SUGCT: variants seen among roughly 807,000 people sequenced by gnomAD.
The protein encoded by SUGCT is succinyl-CoA:glutarate-CoA transferase, also known as succinyl-CoA:glutarate CoA-transferase.
SUGCT carries 41 observed loss-of-function variants against 55.0 expected under a neutral mutation model. The observed-to-expected ratio is 0.74, with a 90% CI of 0.58 to 0.97. The LOEUF is 0.97. SUGCT is among the 50% of genes least tolerant of loss of function. The pLI, the probability that SUGCT is intolerant of heterozygous loss-of-function variation, is 0.00. For synonymous variants in SUGCT, 187 were observed against 200.4 expected (o/e 0.93, Z 0.56); for missense variants, 568 against 547.8 (o/e 1.04, Z -0.37).
chr7:40,877,858 C>T, the SUGCT span, among the ~76,000 whole-genome samples: 4 of 152,306 alleles, frequency 2.6e-5, no homozygotes, highest in East Asian at 1.9e-4. Context: ...TATTCTGAAA[C>T]GACATGGTGA....
chr7:40,559,075 G>A (rs1795706463), intron 12 of SUGCT, among the ~76,000 whole-genome samples: 1 of 152,202 alleles, frequency 6.6e-6, no homozygotes, highest in Non-Finnish European at 1.5e-5. Flanking sequence ...TCCTGTGAGT[G>A]CAGTGAGTCC....
intron 12 of SUGCT, among the ~76,000 whole-genome samples, chr7:40,691,860 A>G (rs1302442011): frequency 6.6e-6 from 1 of 152,156 alleles, no homozygotes; most frequent in Non-Finnish European, 1.5e-5. Flanking sequence ...AGAGAAGAAA[A>G]TGTGGGCAGA....
chr7:40,426,430 T>C (rs886960321), intron 9 of SUGCT, among the ~76,000 whole-genome samples: 5 of 152,206 alleles, frequency 3.3e-5, no homozygotes, highest in Non-Finnish European at 7.3e-5. Context: ...CATTCTGGAA[T>C]CTTTTAGAAA....
intron 9 of SUGCT, among the ~76,000 whole-genome samples, chr7:40,389,715 A>G (rs1244307304): frequency 1.3e-5 from 2 of 152,210 alleles, no homozygotes; most frequent in Non-Finnish European, 2.9e-5. Context: ...GAGAGTCGAT[A>G]TAAATAGTGG....
intron 12 of SUGCT, among the ~76,000 whole-genome samples, chr7:40,684,293 C>T (rs1234519587): frequency 6.6e-6 from 1 of 152,164 alleles, no homozygotes; most frequent in East Asian, 1.9e-4. Flanking sequence ...CTTTGGGGAG[C>T]CATTATTCTC....
At chr7:40,666,085 G>A (rs2151861773) in intron 12 of SUGCT, among the ~76,000 whole-genome samples, 1 of 152,210 alleles carries the variant, frequency 6.6e-6, no homozygotes, top group Admixed American at 6.5e-5. Context: ...GGAGGGCTGG[G>A]TGCGGTGGCT....
chr7:40,723,298 C>T (rs566888125), intron 12 of SUGCT, among the ~76,000 whole-genome samples: 1 of 152,232 alleles, frequency 6.6e-6, no homozygotes, highest in East Asian at 1.9e-4. Flanking sequence ...TGAGTTTCCT[C>T]AGCAGTTGAC....
intron 9 of SUGCT, among the ~76,000 whole-genome samples, chr7:40,351,803 G>C (rs868479994): frequency 3.9e-5 from 6 of 152,076 alleles, no homozygotes; most frequent in African/African-American, 1.4e-4. Context: ...CTCTTGTATG[G>C]CTTTCTCAAA....
At chr7:40,249,313 C>CTATCTATATCTATATATCTATATA (rs1324264789) in intron 7 of SUGCT, among the ~76,000 whole-genome samples, 358 of 79,446 alleles carry the variant, frequency 4.5e-3, no homozygotes, top group Middle Eastern at 0.014. Flanking sequence ...CACCAAAAAG[C>CTATCTATATCTATATATCTATATA]TATATATATA....
chr7:40,375,601 A>G (rs1002308945), intron 9 of SUGCT, among the ~76,000 whole-genome samples: 6 of 152,160 alleles, frequency 3.9e-5, no homozygotes, highest in South Asian at 2.1e-4. Context: ...TATTAGCACA[A>G]CTATCCCTCA....
At chr7:40,156,670 A>C (rs1783912593) in intron 1 of SUGCT, among the ~76,000 whole-genome samples, 1 of 152,166 alleles carries the variant, frequency 6.6e-6, no homozygotes, top group East Asian at 1.9e-4. Flanking sequence ...AAGGCTCTGC[A>C]GAAAGGGTTT....
At chr7:40,209,854 C>T (rs1175024880) in intron 6 of SUGCT, among the ~76,000 whole-genome samples, 1 of 151,998 alleles carries the variant, frequency 6.6e-6, no homozygotes, top group Non-Finnish European at 1.5e-5. Flanking sequence ...AAATTTCAAT[C>T]CAAGAAATGA....
chr7:40,387,836 G>A (rs1785204993), intron 9 of SUGCT: 2 of 152,120 alleles, frequency 1.3e-5, no homozygotes, highest in South Asian at 2.1e-4. Context: ...TTACATCTTG[G>A]TGCTTTCTCA....
chr7:40,637,531 G>C (rs1413094989), intron 12 of SUGCT, among the ~76,000 whole-genome samples: 1 of 152,196 alleles, frequency 6.6e-6, no homozygotes, highest in Non-Finnish European at 1.5e-5. Flanking sequence ...GATATTTGTT[G>C]TTAATTCTTT....
intron 11 of SUGCT, among the ~76,000 whole-genome samples, chr7:40,492,882 C>G (rs986493345): frequency 1.3e-5 from 2 of 152,138 alleles, no homozygotes. Flanking sequence ...TATATGAACT[C>G]TTAACACAGG....
the SUGCT span, chr7:40,964,959 G>A: frequency 3.3e-5 from 5 of 152,202 alleles, no homozygotes; most frequent in African/African-American, 7.2e-5. Context: ...CAAAAGAGTT[G>A]TCTAAAGGTT....
chr7:40,296,544 A>T lies in SUGCT; in HGVS notation c.721-20216A>T, dbSNP rs907970317. On this transcript the variant is annotated intron_variant, in intron 8 of 13. Coordinates refer to ENST00000335693, the MANE Select transcript of SUGCT (RefSeq NM_001193313.2). ...AATATTTTAATTTCAATGCAATGCA[A>T]TTTTTTTTTCCCTTATAAGGCAAAA... Among the ~76,000 whole-genome samples the T allele has an allele frequency of 4.6e-5, 7 of 150,952 alleles. No individual in the cohort carries two copies. The East Asian group carries it at 1.2e-3, about 25-fold the overall frequency.
intron 12 of SUGCT, among the ~76,000 whole-genome samples, chr7:40,615,247 G>T (rs1293903086): frequency 6.6e-6 from 1 of 151,974 alleles, no homozygotes; most frequent in Non-Finnish European, 1.5e-5. Flanking sequence ...AGTTTTCAAA[G>T]ATTTTTTTTC....
chr7:40,786,723 C>T (rs1790033193), intron 13 of SUGCT, among the ~76,000 whole-genome samples: 1 of 151,354 alleles, frequency 6.6e-6, no homozygotes, highest in South Asian at 2.1e-4. Context: ...TTAATCATAC[C>T]CCCTCACTAA....
Sources: allele counts gnomAD v4.1 joint callset (sites outside exome capture counted in the v4.1 genomes callset), GRCh38; gene constraint gnomAD v4.1.1; transcripts MANE v1.5; gene names NCBI Gene and HGNC (gene_info 2026-07-23, HGNC 2026-07-21).